Variants in CDC34 observed in about 807,000 individuals in gnomAD.
CDC34 encodes the protein ubiquitin-conjugating enzyme E2 R1.
Under a neutral mutation model 26.8 loss-of-function variants are expected in CDC34, and 18 were observed. The ratio of observed to expected loss-of-function variants is 0.67; its 90% confidence interval spans 0.47 to 1.00. The LOEUF (loss-of-function observed/expected upper bound fraction) is 1.00. CDC34 is among the 50% of genes least tolerant of loss of function. The probability of loss-of-function intolerance (pLI) is 0.00; values close to 1 mark genes in which losing one functional copy is unlikely to be tolerated. For missense variants in CDC34, 280 were observed against 334.5 expected, an observed-to-expected ratio of 0.84 and a Z score of 1.27; for synonymous variants, 178 against 147.5, an observed-to-expected ratio of 1.21 and a Z score of -1.50.
rs16990522 is a variant in CDC34, at chr19:534,243, C to T, written c.178-1594C>T. Among the ~76,000 whole-genome samples the T allele has an allele frequency of 5.4e-3, 818 of 152,182 alleles. 7 individuals are homozygous for T. Among genetic ancestry groups the T allele is most frequent in the African/African-American group, 0.018 (744 of 41,510 alleles). On this transcript the variant is annotated intron_variant, in intron 1 of 4. Transcript: ENST00000215574. ...TGAAGTTCCAGCCTTGCTCTGTGGC[C>T]GCGGCCAAGTCACTTGCCTTACGGG...
At chr19:539,066 G>A (rs1979894656) in intron 4 of CDC34, 1 of 947,576 alleles carries the variant, frequency 1.1e-6, no homozygotes, top group African/African-American at 1.8e-5. Flanking sequence ...CATGTGCCAT[G>A]TGGACTCTGC....
At chr19:534,383 G>A (rs1015792258) in intron 1 of CDC34, among the ~76,000 whole-genome samples, 5 of 120,440 alleles carry the variant, frequency 4.2e-5, no homozygotes, top group African/African-American at 1.5e-4. Context: ...CTGCCTGTCC[G>A]GGAGGGGCCT....
intron 3 of CDC34, 131 bp from the exon 4 acceptor site, chr19:536,882 C>T (rs1406557314): frequency 1.2e-5 from 12 of 967,464 alleles, no homozygotes; most frequent in Non-Finnish European, 1.9e-5. Flanking sequence ...GAGACAGAAG[C>T]AGAGGCCATG....
chr19:534,096 T>G (rs17841742), intron 1 of CDC34, among the ~76,000 whole-genome samples: 2 of 152,184 alleles, frequency 1.3e-5, no homozygotes, highest in Non-Finnish European at 2.9e-5. Flanking sequence ...AAGAGGCTCA[T>G]TGGGACTTGG....
At chr19:534,474 T>C (rs1979641916) in intron 1 of CDC34, among the ~76,000 whole-genome samples, 1 of 99,750 alleles carries the variant, frequency 1.0e-5, no homozygotes, top group African/African-American at 4.2e-5. Context: ...GCCCTCCCTG[T>C]CCAGACCTCA....
intron 4 of CDC34, among the ~76,000 whole-genome samples, chr19:539,524 C>T (rs979889910): frequency 1.3e-5 from 2 of 152,244 alleles, no homozygotes; most frequent in African/African-American, 2.4e-5. Flanking sequence ...CAGACGCCTG[C>T]CCTCCACGCG....
chr19:535,803 G>GCTGGA, intron 1 of CDC34, 34 bp from the exon 2 acceptor site: 1 of 1,561,466 alleles, frequency 6.4e-7, no homozygotes, highest in South Asian at 1.1e-5. Context: ...TTGGGGCTGG[G>GCTGGA]CTGGACTGAG....
At chr19:535,976 C>T in intron 2 of CDC34, 53 bp downstream of exon 2, 1 of 1,525,020 alleles carries the variant, frequency 6.6e-7, no homozygotes. Context: ...ACCCAGGGTG[C>T]TGGGAGCCTC....
At chr19:537,843 G>A (rs1279305941) in intron 4 of CDC34, among the ~76,000 whole-genome samples, 1 of 151,512 alleles carries the variant, frequency 6.6e-6, no homozygotes, top group Non-Finnish European at 1.5e-5. Flanking sequence ...TTTTAGTAGA[G>A]GTGGGATTTC....
chr19:536,404 C>G, intron 3 of CDC34, 64 bp downstream of exon 3: 1 of 1,241,892 alleles, frequency 8.1e-7, no homozygotes, highest in Non-Finnish European at 1.1e-6. Context: ...CGTCCCGTAT[C>G]CACCCAGACC....
rs1350136168 is a variant in CDC34, at chr19:541,524, A to G, written c.683A>G (p.Glu228Gly). ...EEADSCFGDD[E>G]DDSGTEES is the part of the protein sequence containing the mutation. ...GCCGACAGCTGCTTCGGGGACGATG[A>G]GGATGACTCTGGCACGGAGGAGTCC... Residue 228 changes from glutamate to glycine, a missense_variant, in exon 5 of 5, where the codon GAG (glutamate) becomes GGG (glycine). Transcript: ENST00000215574. 6.2e-7 allele frequency: 1 copy of G among 1,605,434 alleles called. No individual in the cohort carries two copies. The highest frequency in any genetic ancestry group is 1.7e-5 in the Admixed American group (1 of 59,462).
At chr19:534,509 G>GCCCT (rs1317105409) in intron 1 of CDC34, among the ~76,000 whole-genome samples, 1 of 63,916 alleles carries the variant, frequency 1.6e-5, no homozygotes, top group Non-Finnish European at 3.2e-5. Flanking sequence ...CCCCCTGAGT[G>GCCCT]CCCTCCCTGT....
At chr19:533,142 G>T (rs1568328984) in intron 1 of CDC34, among the ~76,000 whole-genome samples, 1 of 152,152 alleles carries the variant, frequency 6.6e-6, no homozygotes, top group Non-Finnish European at 1.5e-5. Flanking sequence ...TTCTTTTAGC[G>T]TTCAGGGACC....
At position 541,508 on chromosome 19, in the gene CDC34, T is replaced by C. The variant is rs1338082998; in HGVS notation, c.667T>C (p.Cys223Arg). The change falls in exon 5 of 5, where the codon TGC becomes CGC. Residue 223 changes from cysteine to arginine, a missense_variant. Cys to Arg is a radical substitution (Grantham distance 180). Coordinates refer to ENST00000215574, the MANE Select transcript of CDC34 (RefSeq NM_004359.2). The part of the protein sequence containing the change: ...DGEVEEEADS[C>R]FGDDEDDSGT... The stretch of plus-strand genomic sequence containing the variant: ...CGAGGTGGAGGAGGAGGCCGACAGC[T>C]GCTTCGGGGACGATGAGGATGACTC... The C allele has an allele frequency of 6.2e-7, 1 of 1,608,712 alleles. No homozygotes were observed. The highest frequency in any genetic ancestry group is 1.3e-5 in the African/African-American group (1 of 74,930).
At chr19:538,017 T>G (rs1979840196) in intron 4 of CDC34, among the ~76,000 whole-genome samples, 1 of 152,228 alleles carries the variant, frequency 6.6e-6, no homozygotes, top group Non-Finnish European at 1.5e-5. Context: ...GTCTGTGCTT[T>G]AATGAAGAAA....
chr19:540,769 G>GCACC (rs1979971973), intron 4 of CDC34, among the ~76,000 whole-genome samples: 1 of 87,498 alleles, frequency 1.1e-5, no homozygotes, highest in Non-Finnish European at 2.5e-5. Flanking sequence ...AGGCCCCCGG[G>GCACC]TTTAGAATCC....
intron 4 of CDC34, 70 bp downstream of exon 4, chr19:537,217 CG>C (rs922186793): frequency 1.3e-4 from 201 of 1,556,624 alleles, no homozygotes; most frequent in Non-Finnish European, 1.7e-4. Flanking sequence ...CCTGGTCCCA[CG>C]GCCGCCCAGC....
intron 4 of CDC34, among the ~76,000 whole-genome samples, chr19:539,434 A>ACC (rs16990893): frequency 2.0e-5 from 3 of 148,930 alleles, no homozygotes; most frequent in African/African-American, 7.5e-5. Flanking sequence ...ACTGTCAGTC[A>ACC]CCCCCCCAGC....
intron 1 of CDC34, among the ~76,000 whole-genome samples, chr19:533,514 T>C (rs1359924437): frequency 6.6e-6 from 1 of 152,242 alleles, no homozygotes; most frequent in Non-Finnish European, 1.5e-5. Context: ...AGTTTGGGTC[T>C]CGAGGTTGCC....
Sources: allele counts gnomAD v4.1 joint callset (sites outside exome capture counted in the v4.1 genomes callset), GRCh38; gene constraint gnomAD v4.1.1; transcripts MANE v1.5; gene names NCBI Gene and HGNC (gene_info 2026-07-23, HGNC 2026-07-21).